PHF14: variants seen among roughly 807,000 people sequenced by gnomAD.
The protein encoded by PHF14 is PHD finger protein 14.
PHF14 carries 55 observed loss-of-function variants against 117.9 expected under a neutral mutation model. The observed-to-expected ratio is 0.47, with a 90% CI of 0.38 to 0.58. The LOEUF is 0.58. PHF14 is among the 20% of genes least tolerant of loss of function. The probability of loss-of-function intolerance (pLI) is 0.00; values close to 1 mark genes in which losing one functional copy is unlikely to be tolerated. For missense variants in PHF14, 978 were observed against 1,122.2 expected (o/e 0.87, Z 1.84); for synonymous variants, 409 against 368.6 (o/e 1.11, Z -1.26).
rs147647595 is a variant in PHF14 at position 11,107,447 on chromosome 7, T to C, written c.2655-3903T>C. 180 of 815,992 alleles carry C rather than the reference T, an allele frequency of 2.2e-4. No individual in the cohort carries two copies. The East Asian group carries it at 0.019, about 86-fold the overall frequency. The allele number at this position is 815,992 out of a possible 1,614,324, so 50.5% of individuals were successfully genotyped here. ...CTATATCTGTTATTAATCTGATAGCTAGGAAGTTGTATTTAGTAAGAATCT... is the reference window on the plus strand; with the variant it reads ...CTATATCTGTTATTAATCTGATAGCCAGGAAGTTGTATTTAGTAAGAATCT... On this transcript the variant is annotated intron_variant, in intron 16 of 17. Coordinates refer to ENST00000634607, the MANE Select transcript of PHF14 (RefSeq NM_001007157.2).
At chr7:11,087,142 C>T (rs1303294507) in intron 16 of PHF14, among the ~76,000 whole-genome samples, 2 of 151,808 alleles carry the variant, frequency 1.3e-5, no homozygotes, top group East Asian at 3.9e-4. Flanking sequence ...ATTGAGAACT[C>T]CTAATTTAGC....
intron 17 of PHF14, among the ~76,000 whole-genome samples, chr7:11,132,160 G>A (rs1466465402): frequency 1.3e-5 from 2 of 151,528 alleles, no homozygotes; most frequent in East Asian, 3.9e-4. Flanking sequence ...CAGTACAATT[G>A]CATACCTGTA....
At chr7:11,053,936 C>T (rs1217344061) in intron 14 of PHF14, among the ~76,000 whole-genome samples, 2 of 151,124 alleles carry the variant, frequency 1.3e-5, no homozygotes, top group Non-Finnish European at 2.9e-5. Context: ...AGTGAAACAC[C>T]AGGGAAAGAG....
chr7:11,041,661 G>A (rs1450408446), intron 12 of PHF14, among the ~76,000 whole-genome samples: 1 of 151,802 alleles, frequency 6.6e-6, no homozygotes, highest in Non-Finnish European at 1.5e-5. Context: ...CATTGTCTTA[G>A]TGTACAATGT....
intron 17 of PHF14, among the ~76,000 whole-genome samples, chr7:11,150,068 G>A (rs1788662685): frequency 6.6e-6 from 1 of 152,142 alleles, no homozygotes; most frequent in Middle Eastern, 3.4e-3. Context: ...AAAATACATT[G>A]CAAGTCACGG....
At chr7:11,133,215 A>G (rs913111303) in intron 17 of PHF14, among the ~76,000 whole-genome samples, 1 of 151,930 alleles carries the variant, frequency 6.6e-6, no homozygotes, top group African/African-American at 2.4e-5. Flanking sequence ...TCTCAAGTTT[A>G]TATGGAAAGG....
chr7:11,014,536 A>G (rs1045192998), intron 5 of PHF14, among the ~76,000 whole-genome samples: 1 of 152,218 alleles, frequency 6.6e-6, no homozygotes, highest in East Asian at 1.9e-4. Flanking sequence ...GGCCATGGAA[A>G]AATGATCTTC....
intron 14 of PHF14, among the ~76,000 whole-genome samples, chr7:11,057,397 C>T (rs11520739): frequency 0.02 from 3,016 of 151,944 alleles, 39 homozygotes; most frequent in Middle Eastern, 0.044. Flanking sequence ...TTTTTTGAGA[C>T]AGAGTCTTGC....
At chr7:10,984,399 T>C (rs1782146464) in intron 3 of PHF14, among the ~76,000 whole-genome samples, 1 of 152,150 alleles carries the variant, frequency 6.6e-6, no homozygotes, top group Non-Finnish European at 1.5e-5. Context: ...AATTCTTACC[T>C]TTAAAGGAAA....
intron 7 of PHF14, among the ~76,000 whole-genome samples, chr7:11,031,259 G>A (rs17163912): frequency 5.9e-5 from 9 of 151,708 alleles, no homozygotes; most frequent in African/African-American, 2.2e-4. Context: ...GTACCTTTCT[G>A]TATTTTTTAT....
chr7:11,163,655 AT>A (rs763989805), intron 17 of PHF14, among the ~76,000 whole-genome samples: 71 of 152,280 alleles, frequency 4.7e-4, no homozygotes, highest in Non-Finnish European at 8.8e-4. Context: ...ACTCTAATTA[AT>A]TTCAGTCTGA....
At chr7:11,152,420 G>A (rs2128354365) in intron 17 of PHF14, among the ~76,000 whole-genome samples, 1 of 152,096 alleles carries the variant, frequency 6.6e-6, no homozygotes, top group Non-Finnish European at 1.5e-5. Flanking sequence ...TGGCTTTTGT[G>A]AGGATTATAA....
At chr7:11,050,035 A>T (rs1181195203) in intron 13 of PHF14, among the ~76,000 whole-genome samples, 1 of 152,192 alleles carries the variant, frequency 6.6e-6, no homozygotes, top group Non-Finnish European at 1.5e-5. Flanking sequence ...AAATTTTAAG[A>T]TATTTAAATT....
chr7:11,063,775 TAAAA>T (rs1306579369), intron 16 of PHF14: 1 of 685,430 alleles, frequency 1.5e-6, no homozygotes, highest in Admixed American at 6.3e-5. Flanking sequence ...AGTCGTTTAA[TAAAA>T]AAAGTGCCAT....
chr7:11,094,857 G>T (rs1040011049), intron 16 of PHF14, among the ~76,000 whole-genome samples: 2 of 152,092 alleles, frequency 1.3e-5, no homozygotes, highest in Non-Finnish European at 2.9e-5. Flanking sequence ...TTGTATTTCA[G>T]GCCACTTGGT....
intron 17 of PHF14, among the ~76,000 whole-genome samples, chr7:11,112,828 ATATTT>A (rs1399818706): frequency 2.0e-5 from 3 of 152,102 alleles, no homozygotes; most frequent in Non-Finnish European, 2.9e-5. Flanking sequence ...ATATTTGCAT[ATATTT>A]TATTTAATAA....
At chr7:11,147,366 G>A (rs1788576028) in intron 17 of PHF14, among the ~76,000 whole-genome samples, 1 of 152,126 alleles carries the variant, frequency 6.6e-6, no homozygotes, top group Admixed American at 6.5e-5. Context: ...GAAGATGGCT[G>A]CTACAACTCC....
At position 11,115,026 on chromosome 7, in the gene PHF14, A is replaced by T. The variant is rs148822363; in HGVS notation, c.2772+3559A>T. On this transcript the variant is annotated intron_variant, in intron 17 of 17. Transcript: ENST00000634607. ...CTTTCTTAACCTCAACTTTTCTCTT[A>T]TTTTTCCCTTATTTCTTCTTCCATC... 5.3e-5 allele frequency among the ~76,000 whole-genome samples: 8 copies of T among 151,840 alleles called. No homozygotes were observed. The East Asian group carries it at 1.5e-3, about 29-fold the overall frequency.
chr7:11,069,933 C>G (rs1033096128), intron 16 of PHF14, among the ~76,000 whole-genome samples: 1 of 151,180 alleles, frequency 6.6e-6, no homozygotes, highest in Non-Finnish European at 1.5e-5. Flanking sequence ...AAAAGTGTTC[C>G]CTTATTCTTT....
Sources: gnomAD v4.1 joint callset for allele counts (sites outside exome capture counted in the v4.1 genomes callset) on GRCh38, gnomAD v4.1.1 for gene constraint, MANE v1.5 for transcripts, NCBI Gene and HGNC (gene_info 2026-07-23, HGNC 2026-07-21) for gene names.